The following SARS2 variants were observed in gnomAD, a reference collection of about 807,000 sequenced individuals.
The protein encoded by SARS2 is seryl-tRNA synthetase 2, mitochondrial.
A neutral mutation model predicts 66.8 loss-of-function variants in SARS2; 52 were observed. The ratio of observed to expected loss-of-function variants is 0.78; its 90% CI spans 0.62 to 0.98. The LOEUF is 0.98. Ranked by LOEUF, SARS2 falls within the 50% of genes least tolerant of loss-of-function variation. The pLI is 0.00. For missense variants in SARS2, 673 were observed against 706.3 expected, an observed-to-expected ratio of 0.95 and a Z score of 0.53; for synonymous variants, 306 against 281.4, an observed-to-expected ratio of 1.09 and a Z score of -0.87.
intron 5 of SARS2, among the ~76,000 whole-genome samples, chr19:38,920,443 A>C (rs1477456321): frequency 6.6e-6 from 1 of 151,832 alleles, no homozygotes; most frequent in Non-Finnish European, 1.5e-5. Context: ...AGGCCAGAGG[A>C]GAAGGAAACA....
In SARS2 at chr19:38,920,894, C is replaced by T. The variant is rs542559346; in HGVS notation, c.589+498G>A. Among the ~76,000 whole-genome samples the T allele has an allele frequency of 2.0e-5, 3 of 151,824 alleles. No homozygotes were observed. In the East Asian group the frequency reaches 5.8e-4, roughly 29 times the overall value. The stretch of plus-strand genomic sequence containing the variant: ...ACATAGACACACACAGACACACACA[C>T]ACACAAACACAGATATACACACACA... On this transcript the variant is annotated intron_variant, in intron 5 of 15. Transcript: ENST00000221431.
At chr19:38,924,594 GTGCGAACC>G (rs1470553490) in intron 2 of SARS2, among the ~76,000 whole-genome samples, 1 of 152,166 alleles carries the variant, frequency 6.6e-6, no homozygotes, top group African/African-American at 2.4e-5. Context: ...AACTGCCTAG[GTGCGAACC>G]TTGCCTCTCC....
chr19:38,916,304 T>G lies in SARS2; in HGVS notation c.1171A>C (p.Met391Leu), dbSNP rs1376424000. 6.2e-7 allele frequency: 1 copy of G among 1,613,768 alleles called. No individual in the cohort carries two copies. The highest frequency in any genetic ancestry group is 8.5e-7 in the Non-Finnish European group (1 of 1,179,892). The change falls in exon 13 of 16, where the codon ATG becomes CTG. Residue 391 changes from methionine to leucine, a missense_variant. Coordinates refer to ENST00000221431, the MANE Select transcript of SARS2 (RefSeq NM_017827.4). ...GGGAGGCCCAGTTCTTGGGTGGGCA[T>G]ATCCAGGACCCTGCGGTCAAGGACG... The part of the protein sequence containing the change: ...ELGLHFRVLD[M>L]PTQELGLPAY...
chr19:38,927,878 CA>C (rs1229168602), intron 1 of SARS2, among the ~76,000 whole-genome samples: 1 of 150,216 alleles, frequency 6.7e-6, no homozygotes, highest in Non-Finnish European at 1.5e-5. Context: ...ACTAAAAATA[CA>C]AAAATTAATT....
At chr19:38,926,084 G>T in intron 2 of SARS2, 121 bp downstream of exon 2, 1 of 851,476 alleles carries the variant, frequency 1.2e-6, no homozygotes. Flanking sequence ...CCGAGTAGCT[G>T]GGATTATAGG....
chr19:38,926,593 C>A (rs1434908385), intron 1 of SARS2, among the ~76,000 whole-genome samples: 1 of 152,166 alleles, frequency 6.6e-6, no homozygotes, highest in Non-Finnish European at 1.5e-5. Flanking sequence ...CAAGACCAGC[C>A]TGGTCAACAT....
At chr19:38,930,282 C>T (rs1974710568) in intron 1 of SARS2, 188 bp downstream of exon 1, 1 of 707,352 alleles carries the variant, frequency 1.4e-6, no homozygotes, top group Admixed American at 3.0e-5. Flanking sequence ...ATTCTTGGCA[C>T]ATAGTAGGGC....
intron 5 of SARS2, among the ~76,000 whole-genome samples, chr19:38,920,934 CATAG>C (rs1157738587): frequency 8.4e-6 from 1 of 118,352 alleles, no homozygotes; most frequent in East Asian, 2.6e-4. Context: ...TAGACACACA[CATAG>C]ACACACACAC....
intron 1 of SARS2, 151 bp from the exon 2 acceptor site, chr19:38,926,451 G>A: frequency 2.8e-6 from 2 of 708,816 alleles, no homozygotes; most frequent in Non-Finnish European, 2.5e-6. Context: ...CTTCAGTACT[G>A]GAATGCCCTG....
At chr19:38,917,689 C>A in intron 12 of SARS2, 35 bp downstream of exon 12, 4 of 1,113,296 alleles carry the variant, frequency 3.6e-6, no homozygotes, top group South Asian at 2.5e-5. Context: ...CTACCCCACC[C>A]CTGCCATCCC....
chr19:38,915,875 A>G lies in SARS2; in HGVS notation c.1379T>C (p.Leu460Pro). 2 of 1,613,906 alleles carry G rather than the reference A, an allele frequency of 1.2e-6. No individual in the cohort carries two copies. The highest frequency in any genetic ancestry group is 1.7e-6 in the Non-Finnish European group (2 of 1,180,000). The stretch of plus-strand genomic sequence containing the variant: ...GTTACTCTCCAGGAGCGCGATGAGA[A>G]GGCGGGGGACAGCACAGGCGGTGGC... Reference protein sequence around the residue: ...VNATACAVPRLLIALLESNQQ... With the variant: ...VNATACAVPRPLIALLESNQQ... The change falls in exon 15 of 16, where the codon CTT becomes CCT. Residue 460 changes from leucine (L) to proline (P), a missense_variant. Transcript: ENST00000221431.
intron 2 of SARS2, among the ~76,000 whole-genome samples, chr19:38,922,745 T>G (rs1475004057): frequency 7.2e-5 from 11 of 152,152 alleles, no homozygotes; most frequent in Non-Finnish European, 1.5e-5. Flanking sequence ...TTAAAAGCAT[T>G]TGGCAGTTAC....
intron 5 of SARS2, 135 bp downstream of exon 5, chr19:38,921,257 T>C: frequency 1.1e-6 from 1 of 929,820 alleles, no homozygotes; most frequent in Non-Finnish European, 1.7e-6. Context: ...GGCAGGAAGC[T>C]GGAGCCACCT....
chr19:38,929,124 G>A (rs1974681242), intron 1 of SARS2, among the ~76,000 whole-genome samples: 2 of 152,062 alleles, frequency 1.3e-5, no homozygotes, highest in East Asian at 1.9e-4. Context: ...GGCTGAGGTG[G>A]GAGAATCACT....
chr19:38,926,994 T>C (rs566927276), intron 1 of SARS2, among the ~76,000 whole-genome samples: 18 of 149,862 alleles, frequency 1.2e-4, no homozygotes, highest in African/African-American at 3.9e-4. Flanking sequence ...TGGAGTGTAG[T>C]GGCATGATCT....
chr19:38,921,076 C>T (rs28511280), intron 5 of SARS2, among the ~76,000 whole-genome samples: 22 of 145,024 alleles, frequency 1.5e-4, no homozygotes, highest in South Asian at 8.4e-4. Flanking sequence ...CAGATACAGA[C>T]ACACAGATAC....
chr19:38,921,937 G>C (rs1287847956), intron 3 of SARS2: 2 of 1,526,138 alleles, frequency 1.3e-6, no homozygotes, highest in African/African-American at 1.4e-5. Flanking sequence ...GAACTCATGA[G>C]AATCAGCCCC....
intron 3 of SARS2, 145 bp from the exon 4 acceptor site, chr19:38,921,812 T>G: frequency 2.2e-6 from 3 of 1,350,270 alleles, no homozygotes; most frequent in Non-Finnish European, 3.1e-6. Flanking sequence ...TTCGCAGAAC[T>G]TCCCTTACCA....
chr19:38,918,984 G>A (rs547667382), intron 7 of SARS2, among the ~76,000 whole-genome samples, 171 bp from the exon 8 acceptor site: 8 of 152,154 alleles, frequency 5.3e-5, no homozygotes, highest in Admixed American at 3.9e-4. Flanking sequence ...TGAGGTGGGC[G>A]GATCACTTGA....
Sources: gnomAD v4.1 joint callset for allele counts (sites outside exome capture counted in the v4.1 genomes callset) on GRCh38, gnomAD v4.1.1 for gene constraint, MANE v1.5 for transcripts, NCBI Gene and HGNC (gene_info 2026-07-23, HGNC 2026-07-21) for gene names.